Variants in SHISA9 observed in about 807,000 individuals in gnomAD.
The protein encoded by SHISA9 is shisa family member 9.
Under a neutral mutation model 38.0 loss-of-function variants are expected in SHISA9, and 13 were observed. The observed-to-expected ratio is 0.34, with a 90% CI of 0.22 to 0.54. SHISA9 has a LOEUF of 0.54. SHISA9 is among the 20% of genes least tolerant of loss of function. The probability of loss-of-function intolerance (pLI) is 0.91; values close to 1 mark genes in which losing one functional copy is unlikely to be tolerated. For missense variants in SHISA9, 538 were observed against 575.8 expected (o/e 0.93, Z 0.67); for synonymous variants, 275 against 242.0 (o/e 1.14, Z -1.27).
At chr16:13,176,247 G>T (rs991361960) in intron 2 of SHISA9, among the ~76,000 whole-genome samples, 7 of 151,824 alleles carry the variant, frequency 4.6e-5, no homozygotes, top group African/African-American at 1.7e-4. Context: ...TATTTTGGGG[G>T]GTCTAGGTAT....
the SHISA9 span, among the ~76,000 whole-genome samples, chr16:13,444,064 T>C: frequency 6.8e-6 from 1 of 146,960 alleles, no homozygotes; most frequent in African/African-American, 2.5e-5. Flanking sequence ...CAAGACTGGT[T>C]TGTTTCCTTT....
At chr16:13,017,813 G>A (rs975590107) in intron 2 of SHISA9, among the ~76,000 whole-genome samples, 2 of 152,194 alleles carry the variant, frequency 1.3e-5, no homozygotes, top group Non-Finnish European at 2.9e-5. Flanking sequence ...CATGAACACT[G>A]CTAACTGGTG....
intron 1 of SHISA9, chr16:12,908,720 C>G (rs183872064): frequency 2.1e-6 from 3 of 1,461,192 alleles, no homozygotes; most frequent in Non-Finnish European, 2.7e-6. Context: ...AAGAAGCTAC[C>G]GTAAGATGAA....
chr16:13,521,894 G>A, the SHISA9 span, among the ~76,000 whole-genome samples: 13 of 152,048 alleles, frequency 8.5e-5, no homozygotes, highest in African/African-American at 3.1e-4. Context: ...AGTGCTGTAG[G>A]GTCATAACAA....
the SHISA9 span, among the ~76,000 whole-genome samples, chr16:13,450,241 G>A: frequency 2.6e-5 from 4 of 152,194 alleles, no homozygotes; most frequent in African/African-American, 9.7e-5. Flanking sequence ...TAAAACTTGA[G>A]GGTAGGGTTA....
rs1567260114 is a variant in SHISA9, at chr16:13,235,363, C to T, written c.1229C>T (p.Pro410Leu). The change falls in exon 5 of 5, where the codon CCA (proline) becomes CTA (leucine). Residue 410 changes from proline (P) to leucine (L), a missense_variant. Around this residue, in one of 4 missense-constraint regions of SHISA9, gnomAD observed 326 missense variants for 305.9 expected, o/e 1.07. Coordinates refer to ENST00000558583, the MANE Select transcript of SHISA9 (RefSeq NM_001145204.3). ...ACTCGCCCCCAGCACTACCCACCCC[C>T]ACAGCCATACTTCATCACCAACAGC... is the stretch of plus-strand genomic sequence containing the variant. The part of the protein sequence containing the change: ...LGTRPQHYPP[P>L]QPYFITNSKT... 2 of 1,541,448 alleles carry T rather than the reference C, an allele frequency of 1.3e-6. No homozygotes were observed. Among genetic ancestry groups the T allele is most frequent in the South Asian group, 2.4e-5 (2 of 84,032 alleles).
intron 4 of SHISA9, among the ~76,000 whole-genome samples, chr16:13,216,605 G>A (rs1415967098): frequency 6.6e-6 from 1 of 152,114 alleles, no homozygotes; most frequent in Non-Finnish European, 1.5e-5. Flanking sequence ...AACATTCAGT[G>A]GCATGAATGT....
chr16:12,908,993 T>C (rs1187333861), intron 1 of SHISA9: 2 of 1,003,188 alleles, frequency 2.0e-6, no homozygotes, highest in Non-Finnish European at 2.4e-6. Context: ...CAAATAATGA[T>C]AAATGCACCT....
intron 2 of SHISA9, among the ~76,000 whole-genome samples, chr16:13,153,640 G>A (rs930713319): frequency 6.6e-6 from 1 of 152,124 alleles, no homozygotes; most frequent in Non-Finnish European, 1.5e-5. Flanking sequence ...TTTCATCCCA[G>A]TACAAGCTCC....
chr16:13,197,104 T>TATATATACACACACACACACAC (rs748572860), intron 2 of SHISA9, among the ~76,000 whole-genome samples: 1 of 106,578 alleles, frequency 9.4e-6, no homozygotes, highest in Non-Finnish European at 1.9e-5. Flanking sequence ...TCTCTGTACA[T>TATATATACACACACACACACAC]ACACACACAC....
intron 2 of SHISA9, among the ~76,000 whole-genome samples, chr16:12,975,656 C>T (rs12935522): frequency 0.4 from 43,710 of 109,244 alleles, 7,815 homozygotes; most frequent in Middle Eastern, 0.57. Context: ...GGGACGGGGG[C>T]GGGGGGGGTA....
At chr16:13,260,708 C>G in the SHISA9 span, among the ~76,000 whole-genome samples, 1 of 152,172 alleles carries the variant, frequency 6.6e-6, no homozygotes, top group Non-Finnish European at 1.5e-5. Flanking sequence ...TCTTCTGAGC[C>G]CTCCAAACTG....
intron 2 of SHISA9, among the ~76,000 whole-genome samples, chr16:13,087,203 A>G (rs2073722760): frequency 7.7e-6 from 1 of 129,996 alleles, no homozygotes; most frequent in African/African-American, 3.0e-5. Flanking sequence ...TATACGTGCC[A>G]CATTTTCTTA....
At chr16:13,353,739 G>C in the SHISA9 span, among the ~76,000 whole-genome samples, 1 of 152,128 alleles carries the variant, frequency 6.6e-6, no homozygotes, top group Non-Finnish European at 1.5e-5. Context: ...GTATTGTCCA[G>C]TCCTTTTTAA....
the SHISA9 span, among the ~76,000 whole-genome samples, chr16:13,518,521 G>T: frequency 1.7e-3 from 261 of 152,144 alleles, 1 homozygote; most frequent in Non-Finnish European, 3.3e-3. Context: ...CTTCATCCCA[G>T]AGAGTTTGAT....
chr16:13,402,029 G>C, the SHISA9 span, among the ~76,000 whole-genome samples: 1 of 152,170 alleles, frequency 6.6e-6, no homozygotes, highest in African/African-American at 2.4e-5. Context: ...TCCTCCCATG[G>C]CATGTGGGGA....
chr16:13,321,492 G>A, the SHISA9 span, among the ~76,000 whole-genome samples: 2,310 of 152,158 alleles, frequency 0.015, 67 homozygotes, highest in African/African-American at 0.052. Context: ...GCCACCCTTG[G>A]GAAGGTATTG....
the SHISA9 span, among the ~76,000 whole-genome samples, chr16:13,450,939 G>T: frequency 2.0e-5 from 3 of 152,172 alleles, no homozygotes; most frequent in Admixed American, 2.0e-4. Flanking sequence ...GATGCTATCA[G>T]TGTCCCCTCT....
the SHISA9 span, among the ~76,000 whole-genome samples, chr16:13,462,244 C>CAA: frequency 1.9e-3 from 277 of 144,338 alleles, 1 homozygote; most frequent in African/African-American, 6.9e-3. Context: ...CTACCTCTAC[C>CAA]AAAAAAAAAA....
Sources: gnomAD v4.1 joint callset for allele counts (sites outside exome capture counted in the v4.1 genomes callset) on GRCh38, gnomAD v4.1.1 for gene constraint, gnomAD v4.1.1 regional missense constraint, MANE v1.5 for transcripts, NCBI Gene and HGNC (gene_info 2026-07-23, HGNC 2026-07-21) for gene names.